TBC1D14: variants seen among roughly 807,000 people sequenced by gnomAD.
TBC1D14 encodes the protein TBC1 domain family member 14.
A neutral mutation model predicts 79.0 loss-of-function variants in TBC1D14; 26 were observed. That is an observed-to-expected ratio of 0.33 (90% CI 0.24 to 0.46). The LOEUF (loss-of-function observed/expected upper bound fraction) is 0.46. Ranked by LOEUF, TBC1D14 falls within the 20% of genes least tolerant of loss-of-function variation. The pLI is 1.00. For missense variants in TBC1D14, 769 were observed against 887.6 expected (o/e 0.87, Z 1.70); for synonymous variants, 394 against 349.9 (o/e 1.13, Z -1.40).
chr4:7,014,721 C>T lies in TBC1D14; in HGVS notation c.1757+164C>T, dbSNP rs1006928999. 5.9e-5 allele frequency among the ~76,000 whole-genome samples: 9 copies of T among 152,226 alleles called. No individual in the cohort carries two copies. In the South Asian group the frequency reaches 8.3e-4, roughly 14 times the overall value. On this transcript the variant is annotated intron_variant, in intron 12 of 13. Coordinates refer to ENST00000409757, the MANE Select transcript of TBC1D14 (RefSeq NM_020773.3). Reference sequence around the variant, plus strand: ...TGAGTTTTATTTCCATCAGTGCCTCCGCCTGGCCCTCCTGAATTCCCTCAA... The same window carrying T: ...TGAGTTTTATTTCCATCAGTGCCTCTGCCTGGCCCTCCTGAATTCCCTCAA...
intron 1 of TBC1D14, among the ~76,000 whole-genome samples, chr4:6,922,309 G>A (rs1468151810): frequency 6.6e-6 from 1 of 152,204 alleles, no homozygotes; most frequent in Non-Finnish European, 1.5e-5. Flanking sequence ...AACCTCGGAG[G>A]TTGTGGTCTT....
intron 1 of TBC1D14, among the ~76,000 whole-genome samples, chr4:6,917,947 C>T (rs7668673): frequency 0.25 from 38,514 of 152,048 alleles, 5,081 homozygotes; most frequent in Non-Finnish European, 0.29. Flanking sequence ...ATGTTGCAAG[C>T]GGAAGTACTT....
chr4:6,960,237 A>G (rs1715062818), intron 2 of TBC1D14, among the ~76,000 whole-genome samples: 2 of 150,594 alleles, frequency 1.3e-5, no homozygotes, highest in Non-Finnish European at 3.0e-5. Flanking sequence ...GCACATCACC[A>G]TGCCTGGCTA....
At chr4:7,018,412 GC>G (rs1325860347) in intron 12 of TBC1D14, among the ~76,000 whole-genome samples, 1 of 152,100 alleles carries the variant, frequency 6.6e-6, no homozygotes, top group African/African-American at 2.4e-5. Context: ...CACACTGCCT[GC>G]CCACCAAACC....
intron 12 of TBC1D14, among the ~76,000 whole-genome samples, chr4:7,020,658 T>C (rs182040177): frequency 7.2e-5 from 11 of 152,362 alleles, no homozygotes; most frequent in African/African-American, 2.6e-4. Flanking sequence ...TAGATCTGCT[T>C]TTCCACAGCC....
intron 2 of TBC1D14, among the ~76,000 whole-genome samples, chr4:6,957,013 G>A (rs2109019324): frequency 6.6e-6 from 1 of 152,336 alleles, no homozygotes; most frequent in African/African-American, 2.4e-5. Context: ...GCCTTTCTTA[G>A]GAAAAGTCTG....
At chr4:7,025,918 A>G (rs751827781) in intron 13 of TBC1D14, among the ~76,000 whole-genome samples, 2 of 152,198 alleles carry the variant, frequency 1.3e-5, no homozygotes, top group Non-Finnish European at 2.9e-5. Flanking sequence ...CTAAAAAGGA[A>G]AAAAAAACCA....
chr4:7,007,694 T>A, intron 9 of TBC1D14: 1 of 1,011,128 alleles, frequency 9.9e-7, no homozygotes, highest in Non-Finnish European at 1.3e-6. Context: ...GCCTGTTTCC[T>A]GGAACCCTGC....
chr4:7,000,454 A>G (rs554774042), intron 6 of TBC1D14, among the ~76,000 whole-genome samples: 3 of 152,324 alleles, frequency 2.0e-5, no homozygotes, highest in East Asian at 1.9e-4. Context: ...TCCGGATTCC[A>G]CAGGTAAGGA....
At chr4:7,010,848 TG>T in intron 11 of TBC1D14, 67 bp downstream of exon 11, 1 of 1,541,444 alleles carries the variant, frequency 6.5e-7, no homozygotes, top group Non-Finnish European at 8.8e-7. Flanking sequence ...CTTACTCGTC[TG>T]TGTTTTCGGT....
In TBC1D14 at chr4:6,974,472, C is replaced by T. The variant is rs139444888; in HGVS notation, c.843+7048C>T. ...GGTGTTAATGAACTCCCAGACTTCTCGTCATGTTGTGGGTACCCAGATCTG... is the reference window on the plus strand; with the variant it reads ...GGTGTTAATGAACTCCCAGACTTCTTGTCATGTTGTGGGTACCCAGATCTG... On this transcript the variant is annotated intron_variant, in intron 3 of 13. Transcript: ENST00000409757. Among the ~76,000 whole-genome samples, 6 of 152,292 alleles carry T rather than the reference C, an allele frequency of 3.9e-5. No individual in the cohort carries two copies. The East Asian group carries it at 9.6e-4, about 24-fold the overall frequency.
At chr4:7,015,060 T>C (rs1286810777) in intron 12 of TBC1D14, among the ~76,000 whole-genome samples, 1 of 150,826 alleles carries the variant, frequency 6.6e-6, no homozygotes, top group East Asian at 2.0e-4. Flanking sequence ...CCAGGTCTGG[T>C]GGGGTAGAGG....
intron 1 of TBC1D14, among the ~76,000 whole-genome samples, chr4:6,910,757 G>T (rs1166013325): frequency 6.6e-6 from 1 of 152,182 alleles, no homozygotes. Flanking sequence ...CGCCTGACCA[G>T]GCCACGTGAA....
intron 3 of TBC1D14, among the ~76,000 whole-genome samples, chr4:6,979,921 A>G (rs1170055920): frequency 1.3e-5 from 2 of 152,218 alleles, no homozygotes; most frequent in Admixed American, 6.5e-5. Flanking sequence ...AGCAAAGTCT[A>G]TTAGATCTGA....
chr4:6,967,285 T>G lies in TBC1D14; in HGVS notation c.723-19T>G, dbSNP rs1293651170. ...GAATTACCCAGAAATGCCCTAACCTTGTTATTTTCTTCCTATAGGAACTTG... is the reference window on the plus strand; with the variant it reads ...GAATTACCCAGAAATGCCCTAACCTGGTTATTTTCTTCCTATAGGAACTTG... On this transcript the variant is annotated intron_variant, in intron 2 of 13. Transcript: ENST00000409757. 1 of 1,612,276 alleles carries G rather than the reference T, an allele frequency of 6.2e-7. No individual in the cohort carries two copies. Among genetic ancestry groups the G allele is most frequent in the African/African-American group, 1.3e-5 (1 of 74,740 alleles).
At chr4:7,021,545 C>T (rs1161627403) in intron 12 of TBC1D14, among the ~76,000 whole-genome samples, 2 of 151,918 alleles carry the variant, frequency 1.3e-5, no homozygotes, top group Non-Finnish European at 2.9e-5. Flanking sequence ...TGCAGTGAGC[C>T]GTGATTGTGC....
At chr4:6,917,693 A>G (rs1363853987) in intron 1 of TBC1D14, among the ~76,000 whole-genome samples, 1 of 152,052 alleles carries the variant, frequency 6.6e-6, no homozygotes, top group African/African-American at 2.4e-5. Flanking sequence ...ATTCAGGCTT[A>G]GTTTGTCTTT....
chr4:6,996,261 G>GT (rs1270958655), intron 4 of TBC1D14, 64 bp from the exon 5 acceptor site: 4 of 1,371,574 alleles, frequency 2.9e-6, no homozygotes, highest in Admixed American at 1.9e-5. Context: ...TATGCTTCAG[G>GT]TTTTTTCTGA....
rs1169236837 is a variant in TBC1D14, at chr4:6,954,623, C to T, written c.723-12681C>T. Among the ~76,000 whole-genome samples, 4 of 151,866 alleles carry T rather than the reference C, an allele frequency of 2.6e-5. No homozygotes were observed. The East Asian group carries it at 5.8e-4, about 22-fold the overall frequency. ...GTTTTTAAGGACTGTTTTTTTGAGA[C>T]GGAGTCTGGTTCTGTCGCCCAGGCT... On this transcript the variant is annotated intron_variant, in intron 2 of 13. Transcript: ENST00000409757.
Sources: allele counts gnomAD v4.1 joint callset (sites outside exome capture counted in the v4.1 genomes callset), GRCh38; gene constraint gnomAD v4.1.1; transcripts MANE v1.5; gene names NCBI Gene and HGNC (gene_info 2026-07-23, HGNC 2026-07-21).